Variants in TTBK1 observed in about 807,000 individuals in gnomAD.
The protein encoded by TTBK1 is tau-tubulin kinase 1.
Under a neutral mutation model 108.5 loss-of-function variants are expected in TTBK1, and 34 were observed. The ratio of observed to expected loss-of-function variants is 0.31; its 90% CI spans 0.24 to 0.42. TTBK1 has a LOEUF of 0.42. TTBK1 is among the 10% of genes least tolerant of loss of function. TTBK1 has a pLI of 1.00. For missense variants in TTBK1, 1,539 were observed against 1,826.0 expected (o/e 0.84, Z 2.86); for synonymous variants, 809 against 795.1 (o/e 1.02, Z -0.29).
intron 13 of TTBK1, among the ~76,000 whole-genome samples, chr6:43,274,413 G>C (rs1442710580): frequency 6.6e-6 from 1 of 152,098 alleles, no homozygotes; most frequent in Non-Finnish European, 1.5e-5. Context: ...GGCAGTGGTC[G>C]GGGGAGCCTT....
At chr6:43,266,998 C>CGTGTGTGG (rs1777695739) in intron 13 of TTBK1, among the ~76,000 whole-genome samples, 1 of 128,106 alleles carries the variant, frequency 7.8e-6, no homozygotes, top group African/African-American at 3.0e-5. Context: ...CTGGAGCATG[C>CGTGTGTGG]GTGTGTGTGT....
chr6:43,248,807 A>G (rs1361857762), intron 2 of TTBK1, among the ~76,000 whole-genome samples: 5 of 152,184 alleles, frequency 3.3e-5, no homozygotes, highest in African/African-American at 4.8e-5. Context: ...AGCTTGGTCA[A>G]CCTGTCTCTA....
rs1777313129 is a variant in TTBK1, at chr6:43,253,792, C to T, written c.471+84C>T. The T allele has an allele frequency of 6.7e-7, 1 of 1,493,310 alleles. No individual in the cohort carries two copies. The highest frequency in any genetic ancestry group is 2.1e-5 in the Admixed American group (1 of 48,204). The allele number at this position is 1,493,310 out of a possible 1,614,324, so 92.5% of individuals were successfully genotyped here. On this transcript the variant is annotated intron_variant, in intron 5 of 14. Coordinates refer to ENST00000259750, the MANE Select transcript of TTBK1 (RefSeq NM_032538.3). This position sits in a 1 kb window ranked among gnomAD's most constrained non-coding sequence, Gnocchi z 5.8. ...TTCCCTGGGTCTCCTGGTTTCTCCT[C>T]TGCAACCATGGTTGGGACTTGTGAT...
Position 43,269,745 on chromosome 6 carries a change from T to A in TTBK1, c.1986+6395T>A, listed in dbSNP as rs1444155018. ...CTCCTCCACGCTGGAGACGGAGCAT[T>A]ACCCTCACCCCGGCGGCGGCGGCTC... On this transcript the variant is annotated intron_variant, in intron 13 of 14. Transcript: ENST00000259750. This position sits in a 1 kb window ranked among gnomAD's most constrained non-coding sequence, Gnocchi z 4.8. 6.2e-7 allele frequency: 1 copy of A among 1,607,366 alleles called. No individual in the cohort carries two copies. The highest frequency in any genetic ancestry group is 2.2e-5 in the East Asian group (1 of 44,836).
In TTBK1 at chr6:43,254,572, C is replaced by A. The variant is rs761670327; in HGVS notation, c.497C>A (p.Pro166His). 2 of 1,578,748 alleles carry A rather than the reference C, an allele frequency of 1.3e-6. No individual in the cohort carries two copies. The highest frequency in any genetic ancestry group is 8.6e-7 in the Non-Finnish European group (1 of 1,165,522). ...KPSNFAMGRL[P>H]STYRKCYMLD... Reference sequence around the variant, plus strand: ...TCAAACTTTGCCATGGGCAGGCTGCCCTCCACCTACAGGAAGTGCTATATG... The same window carrying A: ...TCAAACTTTGCCATGGGCAGGCTGCACTCCACCTACAGGAAGTGCTATATG... The change falls in exon 6 of 15, where the codon CCC becomes CAC. Residue 166 changes from proline (P) to histidine (H), a missense_variant. Physicochemically the swap from Pro to His is moderately conservative, Grantham distance 77 (BLOSUM62 -2). Around this residue, in one of 5 missense-constraint regions of TTBK1, gnomAD observed 155 missense variants for 348.5 expected, o/e 0.44. Transcript: ENST00000259750.
intron 13 of TTBK1, chr6:43,270,806 GGTT>G (rs1292203744): frequency 1.0e-6 from 1 of 985,376 alleles, no homozygotes; most frequent in African/African-American, 1.7e-5. Flanking sequence ...CAGCTAAGGT[GGTT>G]GTTAAGGATG....
chr6:43,283,917 G>A lies in TTBK1; in HGVS notation c.3177G>A (p.Leu1059=), dbSNP rs1344092953. 2 of 1,613,034 alleles carry A rather than the reference G, an allele frequency of 1.2e-6. No individual in the cohort carries two copies. Among genetic ancestry groups the A allele is most frequent in the Non-Finnish European group, 1.7e-6 (2 of 1,179,430 alleles). The change falls in exon 14 of 15, where the codon CTG becomes CTA. Residue 1059 remains leucine, a synonymous_variant. Coordinates refer to ENST00000259750, the MANE Select transcript of TTBK1 (RefSeq NM_032538.3). This position sits in a 1 kb window ranked among gnomAD's most constrained non-coding sequence, Gnocchi z 8.1. ...GSRPRSRIPV[L]LSEEDTGSEP... ...GCCCCAGGAGCCGTATCCCTGTCCT[G>A]CTCTCTGAGGAGGACACGGGCTCGG...
chr6:43,246,287 G>A (rs569587233), intron 1 of TTBK1, among the ~76,000 whole-genome samples: 1 of 152,342 alleles, frequency 6.6e-6, no homozygotes, highest in South Asian at 2.1e-4. Context: ...AAGGGTCCCA[G>A]TCTGGTATGC....
chr6:43,249,598 A>T (rs1162210264), intron 2 of TTBK1, among the ~76,000 whole-genome samples: 1 of 150,680 alleles, frequency 6.6e-6, no homozygotes, highest in African/African-American at 2.4e-5. Context: ...TTTTTTTGAG[A>T]CAGGGTCTCA....
chr6:43,267,526 C>T (rs1777713623), intron 13 of TTBK1, among the ~76,000 whole-genome samples: 1 of 152,202 alleles, frequency 6.6e-6, no homozygotes, highest in Non-Finnish European at 1.5e-5. Flanking sequence ...ACTATGAGCA[C>T]CTACAACTCT....
At chr6:43,262,729 T>A in intron 12 of TTBK1, 60 bp from the exon 13 acceptor site, 1 of 1,438,574 alleles carries the variant, frequency 7.0e-7, no homozygotes, top group South Asian at 1.4e-5. Flanking sequence ...GCCGCTGGCG[T>A]GGGGTCCTTG....
intron 9 of TTBK1, among the ~76,000 whole-genome samples, chr6:43,256,576 T>A (rs1409679444): frequency 6.6e-6 from 1 of 152,082 alleles, no homozygotes; most frequent in African/African-American, 2.4e-5. Flanking sequence ...CTGTTTCTAC[T>A]AAAAATACAA....
chr6:43,263,377 C>G lies in TTBK1; in HGVS notation c.1986+27C>G. The G allele has an allele frequency of 2.1e-6, 3 of 1,447,070 alleles. No homozygotes were observed. Among genetic ancestry groups the G allele is most frequent in the Non-Finnish European group, 2.7e-6 (3 of 1,096,002 alleles). 89.6% of individuals were successfully genotyped at this position (1,447,070 alleles called of 1,614,324 possible). A position where few individuals can be genotyped will look rare whatever the true frequency, so the allele number is the denominator to read the frequency against. Reference sequence around the variant, plus strand: ...TAAGGTTGGGCTTGCACCCCACTCCCCATCTCCAGATGCCCAGAGTCCTGG... The same window carrying G: ...TAAGGTTGGGCTTGCACCCCACTCCGCATCTCCAGATGCCCAGAGTCCTGG... On this transcript the variant is annotated intron_variant, in intron 13 of 14. Transcript: ENST00000259750. The surrounding 1 kb of genome is among the most constrained non-coding windows in gnomAD (Gnocchi z 4.7).
intron 13 of TTBK1, among the ~76,000 whole-genome samples, chr6:43,274,649 A>T (rs1290502384): frequency 6.6e-6 from 1 of 150,940 alleles, no homozygotes; most frequent in African/African-American, 2.4e-5. Flanking sequence ...ATCCCACCCT[A>T]CCCCAAACTC....
Position 43,259,031 on chromosome 6 carries a change from T to G in TTBK1, c.1017-7T>G. ...CCTTGCCCATGGCTCCCTCCTGCCCTCTCCAGGGTGGTCAATGTGACGCCA... is the reference window on the plus strand; with the variant it reads ...CCTTGCCCATGGCTCCCTCCTGCCCGCTCCAGGGTGGTCAATGTGACGCCA... On this transcript the variant is annotated splice_polypyrimidine_tract_variant and splice_region_variant and intron_variant, in intron 10 of 14. Coordinates refer to ENST00000259750, the MANE Select transcript of TTBK1 (RefSeq NM_032538.3). This position sits in a 1 kb window ranked among gnomAD's most constrained non-coding sequence, Gnocchi z 6.7. The G allele has an allele frequency of 6.2e-7, 1 of 1,607,218 alleles. No individual in the cohort carries two copies. The highest frequency in any genetic ancestry group is 8.5e-7 in the Non-Finnish European group (1 of 1,176,270).
At position 43,269,501 on chromosome 6, in the gene TTBK1, C is replaced by T; in HGVS notation, c.1986+6151C>T. On this transcript the variant is annotated intron_variant, in intron 13 of 14. Coordinates refer to ENST00000259750, the MANE Select transcript of TTBK1 (RefSeq NM_032538.3). The surrounding 1 kb of genome is among the most constrained non-coding windows in gnomAD (Gnocchi z 4.8). Reference sequence around the variant, plus strand: ...GGACCTTGGGGCGGGTGGTTTGCACCCTCCTCCACCCTGCCTGACCCCGCC... The same window carrying T: ...GGACCTTGGGGCGGGTGGTTTGCACTCTCCTCCACCCTGCCTGACCCCGCC... 1 of 924,088 alleles carries T rather than the reference C, an allele frequency of 1.1e-6. No homozygotes were observed. The highest frequency in any genetic ancestry group is 1.5e-6 in the Non-Finnish European group (1 of 648,946). The allele number at this position is 924,088 out of a possible 1,614,324, so 57.2% of individuals were successfully genotyped here.
rs1463023071 is a variant in TTBK1, at chr6:43,285,076, A to G, written c.3666A>G (p.Gln1222=). 4 of 1,492,138 alleles carry G rather than the reference A, an allele frequency of 2.7e-6. No homozygotes were observed. Among genetic ancestry groups the G allele is most frequent in the African/African-American group, 2.9e-5 (2 of 68,524 alleles). The allele number at this position is 1,492,138 out of a possible 1,614,324, so 92.4% of individuals were successfully genotyped here. A position where few individuals can be genotyped will look rare whatever the true frequency, so the allele number is the denominator to read the frequency against. The change falls in exon 15 of 15, where the codon CAA becomes CAG. Residue 1222 remains glutamine (Q), a synonymous_variant. Coordinates refer to ENST00000259750, the MANE Select transcript of TTBK1 (RefSeq NM_032538.3). The surrounding 1 kb of genome is among the most constrained non-coding windows in gnomAD (Gnocchi z 4.7). ...PGRGLGPGRA[Q]AGARPPAPRS... ...GCGGCCTGGGCCCAGGGCGAGCCCA[A>G]GCCGGAGCCAGGCCCCCAGCGCCGC... is the stretch of plus-strand genomic sequence containing the variant.
At chr6:43,270,151 A>C in intron 13 of TTBK1, 4 of 1,355,908 alleles carry the variant, frequency 3.0e-6, no homozygotes, top group East Asian at 6.0e-5. Flanking sequence ...CCACCTCCCC[A>C]TCAGCTCCCT....
At chr6:43,284,385 A>AACCAAGGTGAGGGGCTTCTCCAGT in intron 14 of TTBK1, 73 bp downstream of exon 14, 1 of 1,474,434 alleles carries the variant, frequency 6.8e-7, no homozygotes, top group Non-Finnish European at 8.9e-7. Context: ...GCTTCTCCAG[A>AACCAAGGTGAGGGGCTTCTCCAGT]ACCAAGGTCA....
Sources: allele counts gnomAD v4.1 joint callset (sites outside exome capture counted in the v4.1 genomes callset), GRCh38; gene constraint gnomAD v4.1.1; regional missense constraint gnomAD v4.1.1; non-coding constraint Gnocchi (gnomAD v3.1); transcripts MANE v1.5; gene names NCBI Gene and HGNC (gene_info 2026-07-23, HGNC 2026-07-21).